Variants in COL28A1 observed in about 807,000 individuals in gnomAD.
COL28A1 encodes the protein collagen alpha-1(XXVIII) chain.
In COL28A1, 161 loss-of-function variants were observed where a neutral mutation model predicts 150.2. The observed-to-expected ratio is 1.07, with a 90% CI of 0.94 to 1.22. COL28A1 has a LOEUF of 1.22. COL28A1 is among the 50% of genes most tolerant of loss of function. The probability of loss-of-function intolerance (pLI) is 0.00; values close to 1 mark genes in which losing one functional copy is unlikely to be tolerated. For missense variants in COL28A1, 1,617 were observed against 1,388.3 expected, an observed-to-expected ratio of 1.16 and a Z score of -2.62; for synonymous variants, 552 against 469.7, an observed-to-expected ratio of 1.18 and a Z score of -2.26.
intron 4 of COL28A1, chr7:7,522,208 C>A: frequency 4.0e-6 from 2 of 494,198 alleles, no homozygotes; most frequent in South Asian, 2.2e-5. Flanking sequence ...AGCTAGCTAA[C>A]AAAATATTAT....
chr7:7,416,374 A>G lies in COL28A1; in HGVS notation c.2136+1485T>C, dbSNP rs115687803. 3.8e-3 allele frequency among the ~76,000 whole-genome samples: 577 copies of G among 152,316 alleles called. 3 individuals carry two copies. The highest frequency in any genetic ancestry group is 0.013 in the African/African-American group (549 of 41,564). ...TTAATTAAACACAACCCAGGTGAGA[A>G]TGAGGAAGTAGTTCCCAGATAACAA... On this transcript the variant is annotated intron_variant, in intron 27 of 34. Coordinates refer to ENST00000399429, the MANE Select transcript of COL28A1 (RefSeq NM_001037763.3).
chr7:7,423,779 G>A (rs1784502215), intron 25 of COL28A1, among the ~76,000 whole-genome samples: 1 of 152,078 alleles, frequency 6.6e-6, no homozygotes, highest in Non-Finnish European at 1.5e-5. Context: ...GTTTACCTCA[G>A]GCCAGCCTTG....
chr7:7,489,170 T>A (rs917587575), intron 13 of COL28A1, among the ~76,000 whole-genome samples: 3 of 152,090 alleles, frequency 2.0e-5, no homozygotes, highest in African/African-American at 7.2e-5. Flanking sequence ...AATTAGAGGC[T>A]GAGGCAGGAG....
At chr7:7,377,441 T>A (rs1340658093) in intron 30 of COL28A1, among the ~76,000 whole-genome samples, 1 of 152,086 alleles carries the variant, frequency 6.6e-6, no homozygotes, top group Non-Finnish European at 1.5e-5. Flanking sequence ...ACCATCTCGA[T>A]CTGCTGGGAA....
intron 27 of COL28A1, among the ~76,000 whole-genome samples, chr7:7,386,702 T>C (rs568480014): frequency 3.3e-5 from 5 of 152,300 alleles, no homozygotes; most frequent in South Asian, 4.1e-4. Context: ...TCAGGGACTT[T>C]GCTGGTGCTC....
chr7:7,490,942 T>C (rs543748583), intron 11 of COL28A1, among the ~76,000 whole-genome samples: 2 of 152,338 alleles, frequency 1.3e-5, no homozygotes, highest in East Asian at 1.9e-4. Flanking sequence ...AATGACTATA[T>C]AACAATGAAT....
chr7:7,346,599 A>G, the COL28A1 span, among the ~76,000 whole-genome samples: 1 of 152,070 alleles, frequency 6.6e-6, no homozygotes, highest in East Asian at 1.9e-4. Context: ...GTTCATGTCT[A>G]TTTTATATTA....
At chr7:7,533,815 T>A (rs924242606) in intron 1 of COL28A1, among the ~76,000 whole-genome samples, 5 of 152,166 alleles carry the variant, frequency 3.3e-5, no homozygotes, top group African/African-American at 1.2e-4. Flanking sequence ...TGTTGCTGCC[T>A]CAGTATACCC....
chr7:7,447,091 G>C (rs182724925), intron 18 of COL28A1, among the ~76,000 whole-genome samples: 6 of 152,200 alleles, frequency 3.9e-5, no homozygotes, highest in Non-Finnish European at 8.8e-5. Flanking sequence ...GTTCTAAAAA[G>C]GGTCTTACCT....
rs117241798 is a variant in COL28A1, at chr7:7,454,543, C to T, written c.1372-1035G>A. Among the ~76,000 whole-genome samples the T allele has an allele frequency of 9.5e-4, 144 of 151,896 alleles. 5 individuals carry two copies. In the East Asian group the frequency reaches 0.023, roughly 24 times the overall value. ...AGGGGGTAAGAAAATGAAAGAAGTCCGAGACTTTTGTTTTGTTTTTTTTCC... is the reference window on the plus strand; with the variant it reads ...AGGGGGTAAGAAAATGAAAGAAGTCTGAGACTTTTGTTTTGTTTTTTTTCC... On this transcript the variant is annotated intron_variant, in intron 16 of 34. Transcript: ENST00000399429.
intron 27 of COL28A1, among the ~76,000 whole-genome samples, chr7:7,405,927 C>T (rs778949006): frequency 1.3e-4 from 20 of 152,016 alleles, no homozygotes; most frequent in Non-Finnish European, 2.2e-4. Flanking sequence ...TAAATATATA[C>T]CCTATCATGG....
intron 27 of COL28A1, among the ~76,000 whole-genome samples, chr7:7,408,867 G>C (rs1400902168): frequency 6.6e-6 from 1 of 152,040 alleles, no homozygotes; most frequent in Non-Finnish European, 1.5e-5. Flanking sequence ...TTAAAATTTT[G>C]AGTGACACTT....
At chr7:7,527,724 T>C (rs1782109273) in intron 3 of COL28A1, among the ~76,000 whole-genome samples, 1 of 152,164 alleles carries the variant, frequency 6.6e-6, no homozygotes. Context: ...CATTAATGGA[T>C]TCATATATAT....
At chr7:7,397,938 A>C (rs555824596) in intron 27 of COL28A1, among the ~76,000 whole-genome samples, 1 of 152,330 alleles carries the variant, frequency 6.6e-6, no homozygotes, top group African/African-American at 2.4e-5. Context: ...TGGTCCTGTC[A>C]TGAGAATATT....
downstream of COL28A1, among the ~76,000 whole-genome samples, chr7:7,354,731 A>T (rs1397284466): frequency 1.3e-5 from 2 of 152,188 alleles, no homozygotes; most frequent in Non-Finnish European, 2.9e-5. Flanking sequence ...TCTGAGTCTT[A>T]CTTAATTAAT....
chr7:7,380,765 C>T lies in COL28A1; in HGVS notation c.2286+17G>A, dbSNP rs1465324602. ...GTTAGAGTATAAAATCACAGTGAGACATTAAAAACTACTTGCCTGTTTTCC... is the reference window on the plus strand; with the variant it reads ...GTTAGAGTATAAAATCACAGTGAGATATTAAAAACTACTTGCCTGTTTTCC... On this transcript the variant is annotated intron_variant, in intron 29 of 34. Transcript: ENST00000399429. 6.2e-6 allele frequency: 10 copies of T among 1,612,326 alleles called. No individual in the cohort carries two copies. The Admixed American group carries it at 6.7e-5, about 11-fold the overall frequency.
intron 18 of COL28A1, among the ~76,000 whole-genome samples, chr7:7,446,962 C>A (rs1025677183): frequency 1.3e-5 from 2 of 152,090 alleles, no homozygotes; most frequent in African/African-American, 2.4e-5. Flanking sequence ...GAAGAAACTA[C>A]CCAAGGCCAG....
At chr7:7,489,835 A>G (rs1192521328) in intron 12 of COL28A1, among the ~76,000 whole-genome samples, 1 of 151,876 alleles carries the variant, frequency 6.6e-6, no homozygotes, top group Non-Finnish European at 1.5e-5. Flanking sequence ...TCCCCACTCT[A>G]TCCTATTCAT....
Position 7,381,611 on chromosome 7 carries a change from C to G in COL28A1, c.2138G>C (p.Gly713Ala). 2 of 1,612,112 alleles carry G rather than the reference C, an allele frequency of 1.2e-6. No individual in the cohort carries two copies. The highest frequency in any genetic ancestry group is 1.7e-6 in the Non-Finnish European group (2 of 1,178,152). Residue 713 changes from glycine to alanine, a missense_variant and splice_region_variant, in exon 28 of 35, where the codon GGG (glycine) becomes GCG (alanine). Coordinates refer to ENST00000399429, the MANE Select transcript of COL28A1 (RefSeq NM_001037763.3). ...TGGGAAGCCTTGTGGTCCTTGTTCC[C>G]CCTACATAGGATATGAGAAAGAGAT... ...PPGYGSQGIK[G>A]EQGPQGFPGP... is the part of the protein sequence containing the mutation.
Sources: allele counts gnomAD v4.1 joint callset (sites outside exome capture counted in the v4.1 genomes callset), GRCh38; gene constraint gnomAD v4.1.1; transcripts MANE v1.5; gene names NCBI Gene and HGNC (gene_info 2026-07-23, HGNC 2026-07-21).